Variants in LRRTM4 observed in about 807,000 individuals in gnomAD.
LRRTM4 encodes the protein leucine rich repeat transmembrane neuronal 4, also known as leucine-rich repeat transmembrane neuronal protein 4.
LRRTM4 carries 25 observed loss-of-function variants against 47.6 expected under a neutral mutation model. The observed-to-expected ratio is 0.53, with a 90% CI of 0.38 to 0.73. The LOEUF (loss-of-function observed/expected upper bound fraction) is 0.73. Among genes scored for constraint, LRRTM4 ranks in the 30% least tolerant of loss-of-function variants. The probability of loss-of-function intolerance (pLI) is 0.00; values close to 1 mark genes in which losing one functional copy is unlikely to be tolerated. For missense variants in LRRTM4, 638 were observed against 713.4 expected, an observed-to-expected ratio of 0.89 and a Z score of 1.20; for synonymous variants, 311 against 269.5, an observed-to-expected ratio of 1.15 and a Z score of -1.51.
At chr2:76,967,124 T>C (rs992422409) in intron 3 of LRRTM4, among the ~76,000 whole-genome samples, 3 of 151,362 alleles carry the variant, frequency 2.0e-5, no homozygotes, top group African/African-American at 7.3e-5. Flanking sequence ...TGCCTTATTA[T>C]GTTTCTCCTT....
intron 3 of LRRTM4, among the ~76,000 whole-genome samples, chr2:76,796,095 G>T (rs1675300167): frequency 7.5e-6 from 1 of 134,128 alleles, no homozygotes; most frequent in Non-Finnish European, 1.6e-5. Flanking sequence ...CCCGAATACT[G>T]CGCTTTTCAG....
intron 3 of LRRTM4, among the ~76,000 whole-genome samples, chr2:77,037,833 C>A (rs1444150843): frequency 6.6e-6 from 1 of 151,656 alleles, no homozygotes; most frequent in East Asian, 1.9e-4. Context: ...CAGTGTTAAT[C>A]TCACAATTTA....
intron 3 of LRRTM4, among the ~76,000 whole-genome samples, chr2:77,031,811 C>T (rs180929239): frequency 2.0e-5 from 3 of 152,204 alleles, no homozygotes; most frequent in South Asian, 2.1e-4. Context: ...GTGAATTATA[C>T]TTATAAGAAG....
chr2:76,801,308 T>G lies in LRRTM4; in HGVS notation c.1552-52392A>C, dbSNP rs550519366. On this transcript the variant is annotated intron_variant, in intron 3 of 3. Coordinates refer to ENST00000409884, the MANE Select transcript of LRRTM4 (RefSeq NM_001134745.3). ...GACTGGATTAAGAAAATGTGGCACA[T>G]ATACACCATGGAATACTATGCAGCC... Among the ~76,000 whole-genome samples the G allele has an allele frequency of 1.2e-4, 19 of 152,036 alleles. 1 individual carries two copies. The South Asian group carries it at 3.7e-3, about 30-fold the overall frequency.
chr2:76,808,011 T>C (rs997061399), intron 3 of LRRTM4, among the ~76,000 whole-genome samples: 5 of 142,060 alleles, frequency 3.5e-5, no homozygotes, highest in African/African-American at 1.5e-4. Flanking sequence ...CTTTTCTCTC[T>C]CCTTCCTTCC....
chr2:77,410,243 A>C (rs1674365256), intron 3 of LRRTM4, among the ~76,000 whole-genome samples: 1 of 152,180 alleles, frequency 6.6e-6, no homozygotes, highest in Middle Eastern at 3.2e-3. Context: ...GAACCACCAG[A>C]AACTTTTTCA....
At chr2:77,247,577 G>C (rs1235346566) in intron 3 of LRRTM4, among the ~76,000 whole-genome samples, 1 of 152,022 alleles carries the variant, frequency 6.6e-6, no homozygotes, top group Admixed American at 6.6e-5. Context: ...GTACCTGAAA[G>C]TTACAAACTA....
intron 3 of LRRTM4, among the ~76,000 whole-genome samples, chr2:76,949,405 A>T (rs577377605): frequency 6.6e-6 from 1 of 151,974 alleles, no homozygotes; most frequent in Non-Finnish European, 1.5e-5. Context: ...ACAGAGCTCA[A>T]TATAATGCAA....
chr2:76,751,166 C>T (rs574899371), intron 3 of LRRTM4, among the ~76,000 whole-genome samples: 6 of 152,272 alleles, frequency 3.9e-5, no homozygotes, highest in Admixed American at 2.0e-4. Context: ...ATTTATTTTA[C>T]AGTGACTGGC....
In LRRTM4 at chr2:77,102,591, T is replaced by C. The variant is rs1670986062; in HGVS notation, c.1552-353675A>G. ...ACTTTTTCAATTGATCAAAGATATA[T>C]AATACCATCATAGGGCAGGTGACAA... On this transcript the variant is annotated intron_variant, in intron 3 of 3. Transcript: ENST00000409884. Among the ~76,000 whole-genome samples, 4 of 152,298 alleles carry C rather than the reference T, an allele frequency of 2.6e-5. No homozygotes were observed. In the South Asian group the frequency reaches 8.3e-4, roughly 32 times the overall value.
chr2:77,024,634 T>C (rs1678390519), intron 3 of LRRTM4, among the ~76,000 whole-genome samples: 1 of 152,160 alleles, frequency 6.6e-6, no homozygotes, highest in Non-Finnish European at 1.5e-5. Context: ...TTTGTTTTTA[T>C]AGTATTTTTT....
intron 3 of LRRTM4, among the ~76,000 whole-genome samples, chr2:77,089,155 G>A (rs971297321): frequency 6.6e-6 from 1 of 152,014 alleles, no homozygotes; most frequent in African/African-American, 2.4e-5. Flanking sequence ...TGGGGAAGGG[G>A]CAAATACCCC....
At chr2:77,182,298 A>G (rs1364494688) in intron 3 of LRRTM4, among the ~76,000 whole-genome samples, 3 of 152,178 alleles carry the variant, frequency 2.0e-5, no homozygotes, top group African/African-American at 7.2e-5. Context: ...GGAAGCCATC[A>G]TCCTCAGCAA....
At chr2:76,809,346 C>G (rs960474374) in intron 3 of LRRTM4, among the ~76,000 whole-genome samples, 1 of 152,060 alleles carries the variant, frequency 6.6e-6, no homozygotes, top group Non-Finnish European at 1.5e-5. Context: ...TTTGCAGTCC[C>G]TCACTCCCAC....
At chr2:76,948,133 A>G (rs554752697) in intron 3 of LRRTM4, among the ~76,000 whole-genome samples, 2 of 151,652 alleles carry the variant, frequency 1.3e-5, no homozygotes, top group Admixed American at 1.3e-4. Context: ...ACAGCAAGTA[A>G]TCCACATCAC....
intron 3 of LRRTM4, among the ~76,000 whole-genome samples, chr2:77,455,707 T>G (rs2103960639): frequency 6.6e-6 from 1 of 152,228 alleles, no homozygotes; most frequent in East Asian, 1.9e-4. Context: ...CCTTCATCTG[T>G]CCAACACCCT....
intron 3 of LRRTM4, among the ~76,000 whole-genome samples, chr2:77,164,253 A>G (rs1471814714): frequency 2.0e-5 from 3 of 152,236 alleles, no homozygotes; most frequent in Non-Finnish European, 2.9e-5. Flanking sequence ...TTCAACAAGA[A>G]GAGCTAACTA....
At chr2:76,906,461 ACAT>A (rs1248409687) in intron 3 of LRRTM4, among the ~76,000 whole-genome samples, 4 of 152,124 alleles carry the variant, frequency 2.6e-5, no homozygotes, top group African/African-American at 9.7e-5. Flanking sequence ...TAACCAGCTA[ACAT>A]CATCAAGACA....
At chr2:77,119,552 G>C (rs1226752413) in intron 3 of LRRTM4, among the ~76,000 whole-genome samples, 1 of 151,734 alleles carries the variant, frequency 6.6e-6, no homozygotes, top group Non-Finnish European at 1.5e-5. Flanking sequence ...CATGTTTGTT[G>C]TGCCTACTGT....
Sources: allele counts gnomAD v4.1 joint callset (sites outside exome capture counted in the v4.1 genomes callset), GRCh38; gene constraint gnomAD v4.1.1; transcripts MANE v1.5; gene names NCBI Gene and HGNC (gene_info 2026-07-23, HGNC 2026-07-21).